HS6ST2: variants seen among roughly 807,000 people sequenced by gnomAD.
The protein encoded by HS6ST2 is heparan-sulfate 6-O-sulfotransferase 2.
In HS6ST2, 17 loss-of-function variants were observed where a neutral mutation model predicts 33.0. The observed-to-expected ratio is 0.52, with a 90% CI of 0.35 to 0.77. The LOEUF (loss-of-function observed/expected upper bound fraction) is 0.77, where lower values mean the gene tolerates loss of function less well. Among genes scored for constraint, HS6ST2 ranks in the 30% least tolerant of loss-of-function variants. HS6ST2 has a pLI of 0.01. For missense variants in HS6ST2, 519 were observed against 551.7 expected, an observed-to-expected ratio of 0.94 and a Z score of 0.59; for synonymous variants, 248 against 237.1, an observed-to-expected ratio of 1.05 and a Z score of -0.42.
intron 2 of HS6ST2, among the ~76,000 whole-genome samples, chrX:132,773,135 T>G (rs1213867528): frequency 2.0e-5 from 2 of 98,812 alleles, no homozygotes; most frequent in African/African-American, 7.3e-5. Context: ...ATTAATATAT[T>G]AATCATGTGA....
At position 132,755,848 on chromosome X, in the gene HS6ST2, A is replaced by G. The variant is rs760128186; in HGVS notation, c.948-47354T>C. ...TCTTTTAAAAAATCATATCATTAAA[A>G]TGTTATTTATGTTGATTACTGATTT... On this transcript the variant is annotated intron_variant, in intron 2 of 4. Coordinates refer to ENST00000370833, the MANE Select transcript of HS6ST2 (RefSeq NM_001394073.1). Among the ~76,000 whole-genome samples the G allele has an allele frequency of 3.1e-3, 343 of 112,022 alleles. 2 individuals are homozygous for G. The highest frequency in any genetic ancestry group is 9.6e-3 in the African/African-American group (296 of 30,835).
chrX:132,728,560 G>A (rs1165709341), intron 2 of HS6ST2, among the ~76,000 whole-genome samples: 4 of 112,238 alleles, frequency 3.6e-5, no homozygotes, highest in Non-Finnish European at 1.9e-5. Flanking sequence ...ACATAGATGG[G>A]ATTCACAGCA....
chrX:132,856,886 A>T (rs886659008), intron 2 of HS6ST2, among the ~76,000 whole-genome samples: 1 of 112,153 alleles, frequency 8.9e-6, no homozygotes, highest in Non-Finnish European at 1.9e-5. Flanking sequence ...AGAGAAAAAA[A>T]GGCTCAATTT....
At chrX:132,637,788 T>A (rs1463213869) in intron 4 of HS6ST2, among the ~76,000 whole-genome samples, 16 of 57,785 alleles carry the variant, frequency 2.8e-4, no homozygotes, top group Admixed American at 1.4e-3. Flanking sequence ...ATATAATATT[T>A]TATATATATA....
At chrX:132,766,848 A>G (rs1252145761) in intron 2 of HS6ST2, among the ~76,000 whole-genome samples, 1 of 112,186 alleles carries the variant, frequency 8.9e-6, no homozygotes, top group Non-Finnish European at 1.9e-5. Flanking sequence ...GTACTTTTAC[A>G]TGGATTATCC....
chrX:132,758,778 C>G (rs900189665), intron 2 of HS6ST2, among the ~76,000 whole-genome samples: 1 of 112,121 alleles, frequency 8.9e-6, no homozygotes, highest in East Asian at 2.8e-4. Flanking sequence ...GTATTTTCAC[C>G]GAGTCCTCTT....
At chrX:132,823,532 G>T (rs1602717317) in intron 2 of HS6ST2, among the ~76,000 whole-genome samples, 1 of 109,078 alleles carries the variant, frequency 9.2e-6, no homozygotes, top group Non-Finnish European at 1.9e-5. Context: ...ATGAATTTTG[G>T]TTTTTCACTC....
At position 132,881,254 on chromosome X, in the gene HS6ST2, G is replaced by A. The variant is rs754460964; in HGVS notation, c.947+75554C>T. Among the ~76,000 whole-genome samples the A allele has an allele frequency of 2.1e-4, 23 of 109,761 alleles. No individual in the cohort carries two copies. In the East Asian group the frequency reaches 4.3e-3, roughly 21 times the overall value. On this transcript the variant is annotated intron_variant, in intron 2 of 4. Transcript: ENST00000370833. ...TTACAGTCCCACCAACAGTGTAAAA[G>A]TATTCCTATTTCTCCACATCCTCTC...
At chrX:132,845,676 A>G (rs912317729) in intron 2 of HS6ST2, among the ~76,000 whole-genome samples, 1 of 111,165 alleles carries the variant, frequency 9.0e-6, no homozygotes, top group Non-Finnish European at 1.9e-5. Flanking sequence ...CAGAAATCCC[A>G]TCCGGCAACT....
chrX:132,884,293 G>A (rs2066221973), intron 2 of HS6ST2, among the ~76,000 whole-genome samples: 1 of 111,825 alleles, frequency 8.9e-6, no homozygotes, highest in Admixed American at 9.5e-5. Flanking sequence ...GTAAGAGAAG[G>A]AGGGAGAGAG....
Position 132,677,970 on chromosome X carries a change from G to C in HS6ST2, c.981-8771C>G, listed in dbSNP as rs1352790564. 3.5e-4 allele frequency among the ~76,000 whole-genome samples: 39 copies of C among 111,898 alleles called. 1 individual carries two copies. In the Admixed American group the frequency reaches 3.7e-3, roughly 11 times the overall value. On this transcript the variant is annotated intron_variant, in intron 3 of 4. Transcript: ENST00000370833. ...GGTACCCATTCTCTAGCTCCATGTT[G>C]TGCCCAAAGCCAAGAGTATTCAAAT...
At position 132,800,707 on chromosome X, in the gene HS6ST2, T is replaced by G. The variant is rs142156149; in HGVS notation, c.948-92213A>C. Among the ~76,000 whole-genome samples the G allele has an allele frequency of 3.5e-3, 392 of 111,556 alleles. 2 individuals are homozygous for G. Among genetic ancestry groups the G allele is most frequent in the African/African-American group, 0.012 (369 of 30,657 alleles). On this transcript the variant is annotated intron_variant, in intron 2 of 4. Transcript: ENST00000370833. Reference sequence around the variant, plus strand: ...TGTGAGCTCCAGAGGGACTACATGCTGACTGGCCGGTTTCTAACTGGGTAA... The same window carrying G: ...TGTGAGCTCCAGAGGGACTACATGCGGACTGGCCGGTTTCTAACTGGGTAA...
chrX:132,937,986 A>AC (rs61240617), intron 2 of HS6ST2, among the ~76,000 whole-genome samples: 12,162 of 108,157 alleles, frequency 0.11, 1,745 homozygotes, highest in African/African-American at 0.39. Context: ...ACATAGTGAG[A>AC]CCCCATCTCT....
At chrX:132,805,604 T>A (rs1467794480) in intron 2 of HS6ST2, among the ~76,000 whole-genome samples, 1 of 109,137 alleles carries the variant, frequency 9.2e-6, no homozygotes, top group Admixed American at 9.8e-5. Context: ...CAGCCCCAAG[T>A]ATACCTCATC....
Position 132,958,498 on chromosome X carries a change from C to G in HS6ST2, c.105G>C (p.Glu35Asp). The G allele has an allele frequency of 8.4e-7, 1 of 1,196,758 alleles. No homozygotes were observed. ...CGGGCCGGCTCGCTGCCAATTCGGCCTCTACTCTGGAATGCCGGCGGGGAC... is the reference window on the plus strand; with the variant it reads ...CGGGCCGGCTCGCTGCCAATTCGGCGTCTACTCTGGAATGCCGGCGGGGAC... ...TTCPRRHSRV[E>D]AELAASRPGS... is the part of the protein sequence containing the mutation. The change falls in exon 1 of 5, where the codon GAG becomes GAC. Residue 35 changes from glutamate to aspartate, a missense_variant. By Grantham distance (45) the Glu-to-Asp change is conservative. Coordinates refer to ENST00000370833, the MANE Select transcript of HS6ST2 (RefSeq NM_001394073.1).
At chrX:132,836,373 T>C (rs1327466447) in intron 2 of HS6ST2, among the ~76,000 whole-genome samples, 1 of 112,698 alleles carries the variant, frequency 8.9e-6, no homozygotes, top group Non-Finnish European at 1.9e-5. Context: ...TCCGTAAACA[T>C]GAGGGAGTCT....
chrX:132,647,094 A>G (rs764552731), intron 4 of HS6ST2, among the ~76,000 whole-genome samples: 2 of 111,487 alleles, frequency 1.8e-5, no homozygotes, highest in East Asian at 5.7e-4. Context: ...CAGACTGCCC[A>G]TATGGACAGG....
chrX:132,754,574 G>A (rs934162021), intron 2 of HS6ST2, among the ~76,000 whole-genome samples: 2 of 109,411 alleles, frequency 1.8e-5, no homozygotes, highest in Non-Finnish European at 1.9e-5. Flanking sequence ...CTGCCACCAC[G>A]CCCATCTAAT....
chrX:132,674,074 T>G (rs1328953256), intron 3 of HS6ST2, among the ~76,000 whole-genome samples: 3 of 112,037 alleles, frequency 2.7e-5, no homozygotes, highest in Non-Finnish European at 5.6e-5. Context: ...CCCCTTTAAG[T>G]ATCTTACGCT....
Sources: gnomAD v4.1 joint callset for allele counts (sites outside exome capture counted in the v4.1 genomes callset) on GRCh38, gnomAD v4.1.1 for gene constraint, MANE v1.5 for transcripts, NCBI Gene and HGNC (gene_info 2026-07-23, HGNC 2026-07-21) for gene names.